OXNAD1: variants seen among roughly 807,000 people sequenced by gnomAD.
OXNAD1 encodes the protein oxidoreductase NAD binding domain containing 1.
In OXNAD1, 34 loss-of-function variants were observed where a neutral mutation model predicts 32.9. That is an observed-to-expected ratio of 1.03 (90% CI 0.79 to 1.38). The LOEUF (loss-of-function observed/expected upper bound fraction) is 1.38, where lower values mean the gene tolerates loss of function less well. Ranked by LOEUF, OXNAD1 falls within the 40% of genes most tolerant of loss-of-function variation. OXNAD1 has a pLI of 0.00. For missense variants in OXNAD1, 407 were observed against 379.4 expected (o/e 1.07, Z -0.60); for synonymous variants, 134 against 135.2 (o/e 0.99, Z 0.06).
exon 10 of OXNAD1, chr3:16,350,129 A>G (rs2071992528): frequency 6.6e-6 from 1 of 152,250 alleles, no homozygotes; most frequent in Non-Finnish European, 1.5e-5. Flanking sequence ...AAAATTAACC[A>G]TCACAGGACA....
chr3:16,285,630 C>T (rs2066023314), intron 4 of OXNAD1, among the ~76,000 whole-genome samples: 1 of 152,156 alleles, frequency 6.6e-6, no homozygotes, highest in Admixed American at 6.5e-5. Context: ...TCAAGGCTTT[C>T]CAGAAATCAG....
chr3:16,316,630 C>G lies in OXNAD1; in HGVS notation c.*30+13038C>G. 1.5e-6 allele frequency: 1 copy of G among 674,682 alleles called. No individual in the cohort carries two copies. The highest frequency in any genetic ancestry group is 2.6e-6 in the Non-Finnish European group (1 of 381,722). 41.8% of individuals were successfully genotyped at this position (674,682 alleles called of 1,614,324 possible). On this transcript the variant is annotated intron_variant, in intron 9 of 9. Transcript: ENST00000435829. This position sits in a 1 kb window ranked among gnomAD's most constrained non-coding sequence, Gnocchi z 4.5. ...TCTAACACTGGGTCATTAATGACAC[C>G]TTTCCAGTGGATGTGCAAAAACCAA...
In OXNAD1 at chr3:16,302,005, GAACT is replaced by G; in HGVS notation, c.675+141_675+144del. 1 of 1,113,686 alleles carries G rather than the reference GAACT, an allele frequency of 9.0e-7. No homozygotes were observed. The highest frequency in any genetic ancestry group is 2.5e-5 in the East Asian group (1 of 39,420). 69.0% of individuals were successfully genotyped at this position (1,113,686 alleles called of 1,614,324 possible). On this transcript the variant is annotated intron_variant, in intron 7 of 8. Coordinates refer to ENST00000285083, the MANE Select transcript of OXNAD1 (RefSeq NM_138381.5). The surrounding 1 kb of genome is among the most constrained non-coding windows in gnomAD (Gnocchi z 4.2). ...GCAAGATTTAATCATGCTTAAATGA[GAACT>G]AACCAACACACCTTACCCAAGACAA...
chr3:16,300,551 A>G (rs1288224633), intron 6 of OXNAD1, among the ~76,000 whole-genome samples: 2 of 152,248 alleles, frequency 1.3e-5, no homozygotes, highest in Non-Finnish European at 1.5e-5. Flanking sequence ...GTCTCAGATC[A>G]TTATAAACCA....
chr3:16,271,546 A>G lies in OXNAD1; in HGVS notation c.120-113A>G, dbSNP rs906541801. 6.1e-5 allele frequency: 54 copies of G among 890,014 alleles called. No homozygotes were observed. The highest frequency in any genetic ancestry group is 9.8e-6 in the Non-Finnish European group (6 of 611,940). 55.1% of individuals were successfully genotyped at this position (890,014 alleles called of 1,614,324 possible). A position where few individuals can be genotyped will look rare whatever the true frequency, so the allele number is the denominator to read the frequency against. ...GGCAGATACTCACTGGCCATTTTAT[A>G]GGATCTGTAATGTTACACTGTATTT... is the stretch of plus-strand genomic sequence containing the variant. On this transcript the variant is annotated intron_variant, in intron 3 of 8. Coordinates refer to ENST00000285083, the MANE Select transcript of OXNAD1 (RefSeq NM_138381.5). The surrounding 1 kb of genome is among the most constrained non-coding windows in gnomAD (Gnocchi z 4.6).
chr3:16,338,141 G>A (rs759329979), downstream of OXNAD1, among the ~76,000 whole-genome samples: 6 of 152,202 alleles, frequency 3.9e-5, no homozygotes, highest in African/African-American at 7.2e-5. This position sits in a 1 kb window ranked among gnomAD's most constrained non-coding sequence, Gnocchi z 5.3. Context: ...TGGTACATGC[G>A]GTTTCTCTAA....
chr3:16,341,055 A>G (rs2071286079), downstream of OXNAD1, among the ~76,000 whole-genome samples: 1 of 152,266 alleles, frequency 6.6e-6, no homozygotes, highest in Admixed American at 6.5e-5. The surrounding 1 kb of genome is among the most constrained non-coding windows in gnomAD (Gnocchi z 4.7). Context: ...AAGCATATAA[A>G]AAGATGCTCA....
rs73142353 is a variant in OXNAD1, at chr3:16,322,061, G to A, written c.*31-15051G>A. ...ATCTGACAGGGGCCCTTTGCGTGCT[G>A]TGTGTTGAATGTTGCACTTGCTGAA... is the stretch of plus-strand genomic sequence containing the variant. On this transcript the variant is annotated intron_variant, in intron 9 of 9. Coordinates refer to the OXNAD1 transcript ENST00000435829. The surrounding 1 kb of genome is among the most constrained non-coding windows in gnomAD (Gnocchi z 6.2). Among the ~76,000 whole-genome samples, 1,853 of 152,334 alleles carry A rather than the reference G, an allele frequency of 0.012. 30 individuals are homozygous for A. The highest frequency in any genetic ancestry group is 0.042 in the African/African-American group (1,758 of 41,564).
At position 16,271,284 on chromosome 3, in the gene OXNAD1, A is replaced by G. The variant is rs1000864825; in HGVS notation, c.119+213A>G. On this transcript the variant is annotated intron_variant, in intron 3 of 8. Transcript: ENST00000285083. The surrounding 1 kb of genome is among the most constrained non-coding windows in gnomAD (Gnocchi z 4.6). ...AGTGGCACGATCTTAGCTCACTGCA[A>G]CCTCCACCTCCTGGATTCAAGTGAT... 4 of 578,602 alleles carry G rather than the reference A, an allele frequency of 6.9e-6. No homozygotes were observed. Among genetic ancestry groups the G allele is most frequent in the East Asian group, 3.0e-5 (1 of 33,010 alleles). The allele number at this position is 578,602 out of a possible 1,614,324, so 35.8% of individuals were successfully genotyped here. A position where few individuals can be genotyped will look rare whatever the true frequency, so the allele number is the denominator to read the frequency against.
chr3:16,313,332 C>T (rs1270034377), intron 9 of OXNAD1, among the ~76,000 whole-genome samples: 3 of 151,686 alleles, frequency 2.0e-5, no homozygotes, highest in Non-Finnish European at 4.4e-5. Context: ...CGTGAGCCAC[C>T]ACACCCAGCC....
rs748492354 is a variant in OXNAD1, at chr3:16,287,621, T to C, written c.290+1173T>C. On this transcript the variant is annotated intron_variant, in intron 5 of 8. Coordinates refer to ENST00000285083, the MANE Select transcript of OXNAD1 (RefSeq NM_138381.5). The surrounding 1 kb of genome is among the most constrained non-coding windows in gnomAD (Gnocchi z 4.8). The stretch of plus-strand genomic sequence containing the variant: ...TTTCTGTGGAAATGTTTGTGTCCTG[T>C]GCAAAGCACTGTCTCCGTGCCTTCA... 6.6e-5 allele frequency among the ~76,000 whole-genome samples: 10 copies of C among 152,212 alleles called. No individual in the cohort carries two copies. The highest frequency in any genetic ancestry group is 1.3e-4 in the Non-Finnish European group (9 of 68,034).
At chr3:16,319,175 A>G (rs1403740110) in intron 9 of OXNAD1, among the ~76,000 whole-genome samples, 1 of 152,120 alleles carries the variant, frequency 6.6e-6, no homozygotes, top group African/African-American at 2.4e-5. Context: ...GAGCCTCTTC[A>G]CATTTTATAT....
chr3:16,280,384 A>G lies in OXNAD1; in HGVS notation c.184-5958A>G, dbSNP rs1344528656. 6.6e-6 allele frequency among the ~76,000 whole-genome samples: 1 copy of G among 152,174 alleles called. No individual in the cohort carries two copies. Among genetic ancestry groups the G allele is most frequent in the Non-Finnish European group, 1.5e-5 (1 of 68,032 alleles). ...TGTTAACCAGCATAAGCCATTTAAGAAGTTAAATTGTGTGGTTGACGGAGA... is the reference window on the plus strand; with the variant it reads ...TGTTAACCAGCATAAGCCATTTAAGGAGTTAAATTGTGTGGTTGACGGAGA... On this transcript the variant is annotated intron_variant, in intron 4 of 8. Transcript: ENST00000285083. The surrounding 1 kb of genome is among the most constrained non-coding windows in gnomAD (Gnocchi z 4.5).
rs936698484 is a variant in OXNAD1 at position 16,288,865 on chromosome 3, G to A, written c.290+2417G>A. Among the ~76,000 whole-genome samples the A allele has an allele frequency of 2.0e-5, 3 of 152,208 alleles. No homozygotes were observed. The highest frequency in any genetic ancestry group is 7.2e-5 in the African/African-American group (3 of 41,444). On this transcript the variant is annotated intron_variant, in intron 5 of 8. Coordinates refer to ENST00000285083, the MANE Select transcript of OXNAD1 (RefSeq NM_138381.5). This position sits in a 1 kb window ranked among gnomAD's most constrained non-coding sequence, Gnocchi z 5.1. ...ATGCCACCACTGGTCCTCACACAGT[G>A]TGCAGCTGCCCTGAGTTTCTAGATT...
intron 1 of OXNAD1, among the ~76,000 whole-genome samples, chr3:16,267,302 C>T (rs1309404870): frequency 6.6e-6 from 1 of 152,136 alleles, no homozygotes; most frequent in Non-Finnish European, 1.5e-5. Flanking sequence ...CTCTGTTATC[C>T]TTCCCACAGC....
rs950985007 is a variant in OXNAD1, at chr3:16,305,002, T to C, written c.*1440T>C. On this transcript the variant is annotated 3_prime_UTR_variant, in exon 9 of 9. Transcript: ENST00000285083. This position sits in a 1 kb window ranked among gnomAD's most constrained non-coding sequence, Gnocchi z 4.5. ...AGGAGCTACTGACCTGATGGGAATA[T>C]CATAATCCATTCAAGGAAATGGTCA... The C allele has an allele frequency of 6.6e-6, 1 of 152,222 alleles. No homozygotes were observed. The highest frequency in any genetic ancestry group is 1.9e-4 in the East Asian group (1 of 5,200). The allele number at this position is 152,222 out of a possible 1,614,324, so 9.4% of individuals were successfully genotyped here. A position where few individuals can be genotyped will look rare whatever the true frequency, so the allele number is the denominator to read the frequency against.
At position 16,335,928 on chromosome 3, in the gene OXNAD1, C is replaced by T. The variant is rs1341780310; in HGVS notation, c.*31-1184C>T. On this transcript the variant is annotated intron_variant, in intron 9 of 9. Coordinates refer to the OXNAD1 transcript ENST00000435829. This position sits in a 1 kb window ranked among gnomAD's most constrained non-coding sequence, Gnocchi z 4.7. ...GGAGGGAAGTGGCCGACAGCAAGGA[C>T]TGGTGGCAGCTGCTAGTGCAGAGGA... Among the ~76,000 whole-genome samples, 2 of 152,244 alleles carry T rather than the reference C, an allele frequency of 1.3e-5. No homozygotes were observed. The highest frequency in any genetic ancestry group is 2.4e-5 in the African/African-American group (1 of 41,466).
intron 9 of OXNAD1, among the ~76,000 whole-genome samples, chr3:16,319,654 G>A (rs1189883497): frequency 6.6e-6 from 1 of 152,176 alleles, no homozygotes; most frequent in Non-Finnish European, 1.5e-5. Flanking sequence ...TGGATGCCTG[G>A]CCACATCCAG....
chr3:16,332,811 C>T (rs1401135508), intron 9 of OXNAD1, among the ~76,000 whole-genome samples: 1 of 133,174 alleles, frequency 7.5e-6, no homozygotes, highest in Non-Finnish European at 1.6e-5. Context: ...TTCTTCTAAT[C>T]TTTTTGTTCT....
Sources: gnomAD v4.1 joint callset for allele counts (sites outside exome capture counted in the v4.1 genomes callset) on GRCh38, gnomAD v4.1.1 for gene constraint, Gnocchi (gnomAD v3.1) non-coding constraint, MANE v1.5 for transcripts, NCBI Gene and HGNC (gene_info 2026-07-23, HGNC 2026-07-21) for gene names.